RAB26: variants seen among roughly 807,000 people sequenced by gnomAD.
RAB26 encodes ras-related protein Rab-26.
Under a neutral mutation model 33.1 loss-of-function variants are expected in RAB26, and 39 were observed. The observed-to-expected ratio is 1.18, with a 90% CI of 0.91 to 1.54. The LOEUF is 1.54. Among genes scored for constraint, RAB26 ranks in the 40% most tolerant of loss-of-function variants. The pLI, the probability that RAB26 is intolerant of heterozygous loss-of-function variation, is 0.00. For missense variants in RAB26, 468 were observed against 362.9 expected, an observed-to-expected ratio of 1.29 and a Z score of -2.35; for synonymous variants, 192 against 151.9, an observed-to-expected ratio of 1.26 and a Z score of -1.94.
chr16:2,153,417 C>T lies in RAB26; in HGVS notation c.767C>T (p.Pro256Leu), dbSNP rs1176721773. The change falls in exon 9 of 9, where the codon CCT (proline) becomes CTT (leucine). Residue 256 changes from proline (P) to leucine (L), a missense_variant. Physicochemically the swap from Pro to Leu is moderately conservative, Grantham distance 98. Coordinates refer to ENST00000210187, the MANE Select transcript of RAB26 (RefSeq NM_014353.5). Reference protein sequence around the residue: ...REGRGASCCRP With the variant: ...REGRGASCCRL ...GGTCGAGGGGCCTCCTGCTGCCGCCCTTGAACCTGGCTGAGCTCAGTCCTC... is the reference window on the plus strand; with the variant it reads ...GGTCGAGGGGCCTCCTGCTGCCGCCTTTGAACCTGGCTGAGCTCAGTCCTC... 9.9e-6 allele frequency: 16 copies of T among 1,613,172 alleles called. No individual in the cohort carries two copies. The highest frequency in any genetic ancestry group is 1.7e-5 in the Admixed American group (1 of 60,008).
At chr16:2,153,275 T>A in intron 8 of RAB26, 44 bp from the exon 9 acceptor site, 2 of 1,612,544 alleles carry the variant, frequency 1.2e-6, no homozygotes, top group Non-Finnish European at 1.7e-6. Flanking sequence ...GAATCCTCAT[T>A]AGAGTCCAGG....
Position 2,149,999 on chromosome 16 carries a change from A to T in RAB26, c.254A>T (p.Asp85Val), listed in dbSNP as rs902979717. 6.5e-6 allele frequency: 10 copies of T among 1,544,876 alleles called. No individual in the cohort carries two copies. Among genetic ancestry groups the T allele is most frequent in the Admixed American group, 2.0e-5 (1 of 50,244 alleles). ...ACCTGTCTGCTGGTGCGATTCAAGG[A>T]TGGTGCTTTCCTGGCGGGGACCTTC... ...GKTCLLVRFK[D>V]GAFLAGTFIS... The change falls in exon 2 of 9, where the codon GAT becomes GTT. Residue 85 changes from aspartate (D) to valine (V), a missense_variant. Coordinates refer to ENST00000210187, the MANE Select transcript of RAB26 (RefSeq NM_014353.5).
chr16:2,148,583 C>T (rs2092993475), upstream of RAB26: 1 of 176,856 alleles, frequency 5.7e-6, no homozygotes, highest in Non-Finnish European at 1.1e-5. Context: ...GGCGGGAGGC[C>T]GGGCCTGAGT....
At position 2,151,754 on chromosome 16, in the gene RAB26, T is replaced by C. The variant is rs148691801; in HGVS notation, c.408T>C (p.Asp136=). ...FRSVTHAYYR[D]AHALLLLYDV... ...GTGTTACCCATGCCTACTACCGGGA[T>C]GCTCATGGTGAGCCCCTGGGTACCT... The change falls in exon 4 of 9, where the codon GAT becomes GAC. Residue 136 remains aspartate (D), a synonymous_variant. Transcript: ENST00000210187. The C allele has an allele frequency of 3.3e-5, 54 of 1,614,004 alleles. No homozygotes were observed. The African/African-American group carries it at 6.0e-4, about 18-fold the overall frequency.
rs1162539887 is a variant in RAB26, at chr16:2,151,769, C to T, written c.415+8C>T. 2.2e-5 allele frequency: 35 copies of T among 1,613,898 alleles called. No individual in the cohort carries two copies. Among genetic ancestry groups the T allele is most frequent in the Non-Finnish European group, 2.8e-5 (33 of 1,180,002 alleles). On this transcript the variant is annotated splice_region_variant and intron_variant, in intron 4 of 8. Coordinates refer to ENST00000210187, the MANE Select transcript of RAB26 (RefSeq NM_014353.5). ...ACTACCGGGATGCTCATGGTGAGCC[C>T]CTGGGTACCTGGGCTGGTTGGGGCG... is the stretch of plus-strand genomic sequence containing the variant.
rs527465035 is a variant in RAB26 at position 2,151,169 on chromosome 16, G to C, written c.307-400G>C. 1.1e-5 allele frequency: 5 copies of C among 468,114 alleles called. No individual in the cohort carries two copies. The East Asian group carries it at 2.0e-4, about 18-fold the overall frequency. The allele number at this position is 468,114 out of a possible 1,614,324, so 29.0% of individuals were successfully genotyped here. A position where few individuals can be genotyped will look rare whatever the true frequency, so the allele number is the denominator to read the frequency against. Reference sequence around the variant, plus strand: ...GTCGCCCTGGCTGGAGTGCAGTGGTGATCATGGTGGACTGCAACCTCCAAC... The same window carrying C: ...GTCGCCCTGGCTGGAGTGCAGTGGTCATCATGGTGGACTGCAACCTCCAAC... On this transcript the variant is annotated intron_variant, in intron 2 of 8. Coordinates refer to ENST00000210187, the MANE Select transcript of RAB26 (RefSeq NM_014353.5).
chr16:2,152,826 C>A lies in RAB26; in HGVS notation c.475C>A (p.Leu159Met). The change falls in exon 6 of 9, where the codon CTG becomes ATG. Residue 159 changes from leucine (L) to methionine (M), a missense_variant. Leu to Met is a conservative substitution (Grantham distance 15). Transcript: ENST00000210187. ...KASFDNIQAW[L>M]TEIHEYAQHD... Reference sequence around the variant, plus strand: ...GGTCTGCTGCCTCCCACAGGCCTGGCTGACCGAGATCCACGAGTACGCCCA... The same window carrying A: ...GGTCTGCTGCCTCCCACAGGCCTGGATGACCGAGATCCACGAGTACGCCCA... The A allele has an allele frequency of 1.2e-6, 2 of 1,605,974 alleles. No individual in the cohort carries two copies. Among genetic ancestry groups the A allele is most frequent in the Non-Finnish European group, 1.7e-6 (2 of 1,177,796 alleles).
At chr16:2,149,301 GC>G (rs1260033254) in intron 1 of RAB26, among the ~76,000 whole-genome samples, 2 of 146,854 alleles carry the variant, frequency 1.4e-5, no homozygotes, top group Non-Finnish European at 3.0e-5. Flanking sequence ...GCGGCTGTGG[GC>G]CTTTTTTTTT....
rs748830831 is a variant in RAB26, at chr16:2,153,603, G to C, written c.*182G>C. ...CAACAGTCCCAACAAGCAGGCTTCT[G>C]AGAGCCCGTGGCCGCACACTGGCCG... On this transcript the variant is annotated 3_prime_UTR_variant, in exon 9 of 9. Transcript: ENST00000210187. 8.6e-5 allele frequency: 58 copies of C among 670,768 alleles called. 1 individual carries two copies. The highest frequency in any genetic ancestry group is 1.4e-4 in the Non-Finnish European group (51 of 377,614). The allele number at this position is 670,768 out of a possible 1,614,324, so 41.6% of individuals were successfully genotyped here.
In RAB26 at chr16:2,148,955, G is replaced by C. The variant is rs1243919101; in HGVS notation, c.172G>C (p.Asp58His). 2 of 1,280,220 alleles carry C rather than the reference G, an allele frequency of 1.6e-6. No individual in the cohort carries two copies. Among genetic ancestry groups the C allele is most frequent in the Non-Finnish European group, 2.0e-6 (2 of 1,012,248 alleles). The allele number at this position is 1,280,220 out of a possible 1,614,324, so 79.3% of individuals were successfully genotyped here. A position where few individuals can be genotyped will look rare whatever the true frequency, so the allele number is the denominator to read the frequency against. Residue 58 changes from aspartate to histidine, a missense_variant, in exon 1 of 9, where the codon GAC becomes CAC. Coordinates refer to ENST00000210187, the MANE Select transcript of RAB26 (RefSeq NM_014353.5). ...PGRPSLGGGVDFYDVAFKVML... is the reference protein window; with the variant it reads ...PGRPSLGGGVHFYDVAFKVML... ...CCGGCCCTCGCTTGGCGGCGGTGTCGACTTCTACGACGTCGCCTTCAAGGT... is the reference window on the plus strand; with the variant it reads ...CCGGCCCTCGCTTGGCGGCGGTGTCCACTTCTACGACGTCGCCTTCAAGGT...
rs761711190 is a variant in RAB26, at chr16:2,148,649, T to TGCC, written c.-104_-102dup. On this transcript the variant is annotated 5_prime_UTR_variant, in exon 1 of 9. Coordinates refer to ENST00000210187, the MANE Select transcript of RAB26 (RefSeq NM_014353.5). ...GGCGCGAGCCGGGCGCCCGGGATGATGCCGCCGCCGCCGCCGCCGCCGCCG... is the reference window on the plus strand; with the variant it reads ...GGCGCGAGCCGGGCGCCCGGGATGATGCCGCCGCCGCCGCCGCCGCCGCCGCCG... 229,225 of 386,586 alleles carry TGCC rather than the reference T, an allele frequency of 0.59. 68,948 individuals carry two copies. Among genetic ancestry groups the TGCC allele is most frequent in the East Asian group, 0.79 (5,803 of 7,316 alleles). 23.9% of individuals were successfully genotyped at this position (386,586 alleles called of 1,614,324 possible).
chr16:2,153,750 A>G lies in RAB26; in HGVS notation c.*329A>G, dbSNP rs1252478717. ...GGGAGGGCTGGGGCTGGCACCACGC[A>G]CAGTGCCTAACCCTAGAAAAGCCAT... On this transcript the variant is annotated 3_prime_UTR_variant, in exon 9 of 9. Coordinates refer to ENST00000210187, the MANE Select transcript of RAB26 (RefSeq NM_014353.5). 1 of 529,264 alleles carries G rather than the reference A, an allele frequency of 1.9e-6. No individual in the cohort carries two copies. The highest frequency in any genetic ancestry group is 1.5e-5 in the South Asian group (1 of 65,186). 32.8% of individuals were successfully genotyped at this position (529,264 alleles called of 1,614,324 possible). A position where few individuals can be genotyped will look rare whatever the true frequency, so the allele number is the denominator to read the frequency against.
intron 6 of RAB26, 36 bp downstream of exon 6, chr16:2,152,921 G>A: frequency 6.3e-7 from 1 of 1,594,592 alleles, no homozygotes; most frequent in Non-Finnish European, 8.6e-7. Context: ...GGGCCACAGG[G>A]CAGGGCAGGT....
Position 2,151,997 on chromosome 16 carries a change from AG to A in RAB26, c.468+91del, listed in dbSNP as rs1019234917. 1.0e-5 allele frequency: 16 copies of A among 1,531,758 alleles called. No individual in the cohort carries two copies. The East Asian group carries it at 1.1e-4, about 11-fold the overall frequency. The allele number at this position is 1,531,758 out of a possible 1,614,324, so 94.9% of individuals were successfully genotyped here. On this transcript the variant is annotated intron_variant, in intron 5 of 8. Transcript: ENST00000210187. ...CTGGTAGATGGCATCAGGGTTCCAAAGGACCCCGCTGAGAGAGGGGAGGGGG... is the reference window on the plus strand; with the variant it reads ...CTGGTAGATGGCATCAGGGTTCCAAAGACCCCGCTGAGAGAGGGGAGGGGG...
chr16:2,150,011 T>C lies in RAB26; in HGVS notation c.266T>C (p.Leu89Pro). ...GTGCGATTCAAGGATGGTGCTTTCCTGGCGGGGACCTTCATCTCCACCGTA... is the reference window on the plus strand; with the variant it reads ...GTGCGATTCAAGGATGGTGCTTTCCCGGCGGGGACCTTCATCTCCACCGTA... The part of the protein sequence containing the change: ...LLVRFKDGAF[L>P]AGTFISTVGI... Residue 89 changes from leucine to proline, a missense_variant, in exon 2 of 9, where the codon CTG (leucine) becomes CCG (proline). Coordinates refer to ENST00000210187, the MANE Select transcript of RAB26 (RefSeq NM_014353.5). 1.3e-6 allele frequency: 2 copies of C among 1,545,124 alleles called. No individual in the cohort carries two copies. The highest frequency in any genetic ancestry group is 1.7e-6 in the Non-Finnish European group (2 of 1,143,906).
At position 2,153,334 on chromosome 16, in the gene RAB26, C is replaced by T. The variant is rs1042423374; in HGVS notation, c.684C>T (p.Arg228=). The T allele has an allele frequency of 6.2e-6, 10 of 1,613,406 alleles. No homozygotes were observed. Among genetic ancestry groups the T allele is most frequent in the African/African-American group, 4.0e-5 (3 of 74,934 alleles). The change falls in exon 9 of 9, where the codon CGC becomes CGT. Residue 228 remains arginine, a synonymous_variant. Transcript: ENST00000210187. ...CACTCCGCAGGGAGTTGAAGCAGCG[C>T]TCCATGAAGGCTCCCAGCGAGCCGC... ...FTAIAKELKQ[R]SMKAPSEPRF...
At chr16:2,150,886 G>A (rs2093002735) in intron 2 of RAB26, among the ~76,000 whole-genome samples, 1 of 152,238 alleles carries the variant, frequency 6.6e-6, no homozygotes, top group South Asian at 2.1e-4. Flanking sequence ...GCTGAAGGAG[G>A]TGGCACAGGT....
At chr16:2,152,553 C>T (rs1262412875) in intron 5 of RAB26, among the ~76,000 whole-genome samples, 1 of 151,992 alleles carries the variant, frequency 6.6e-6, no homozygotes, top group African/African-American at 2.4e-5. Context: ...TAACTGTAAT[C>T]CCAGTCACTT....
At chr16:2,150,136 C>A in intron 2 of RAB26, 85 bp downstream of exon 2, 1 of 1,262,604 alleles carries the variant, frequency 7.9e-7, no homozygotes, top group Non-Finnish European at 1.1e-6. Flanking sequence ...ATGGTACCAA[C>A]AGGCTCGAGG....
Sources: allele counts gnomAD v4.1 joint callset (sites outside exome capture counted in the v4.1 genomes callset), GRCh38; gene constraint gnomAD v4.1.1; transcripts MANE v1.5; gene names NCBI Gene and HGNC (gene_info 2026-07-23, HGNC 2026-07-21).